The following NYAP2 variants were observed in gnomAD, a reference collection of about 807,000 sequenced individuals.
NYAP2 encodes neuronal tyrosine-phosphorylated phosphoinositide-3-kinase adapter 2.
NYAP2 carries 23 observed loss-of-function variants against 50.4 expected under a neutral mutation model. The ratio of observed to expected loss-of-function variants is 0.46; its 90% CI spans 0.33 to 0.65. The LOEUF (loss-of-function observed/expected upper bound fraction) is 0.65, where lower values mean the gene tolerates loss of function less well. Among genes scored for constraint, NYAP2 ranks in the 30% least tolerant of loss-of-function variants. The pLI is 0.02. For synonymous variants in NYAP2, 394 were observed against 365.2 expected, an observed-to-expected ratio of 1.08 and a Z score of -0.90; for missense variants, 885 against 861.0, an observed-to-expected ratio of 1.03 and a Z score of -0.35.
intron 3 of NYAP2, among the ~76,000 whole-genome samples, chr2:225,473,136 A>G (rs1690039756): frequency 6.6e-6 from 1 of 152,098 alleles, no homozygotes; most frequent in Non-Finnish European, 1.5e-5. Flanking sequence ...AAGGACATGA[A>G]CTCATCGTTT....
intron 6 of NYAP2, among the ~76,000 whole-genome samples, chr2:225,639,224 A>G (rs1693482029): frequency 6.6e-6 from 1 of 152,218 alleles, no homozygotes; most frequent in Admixed American, 6.5e-5. Context: ...AAACAGTTAA[A>G]TTGACAAGTT....
At chr2:225,616,322 A>C (rs1454417061) in intron 5 of NYAP2, among the ~76,000 whole-genome samples, 1 of 152,170 alleles carries the variant, frequency 6.6e-6, no homozygotes, top group African/African-American at 2.4e-5. Flanking sequence ...ATGAAATATA[A>C]AAATATGCCC....
Position 225,592,814 on chromosome 2 carries a change from C to T in NYAP2, c.1618+9779C>T, listed in dbSNP as rs74592368. Among the ~76,000 whole-genome samples, 1,062 of 152,288 alleles carry T rather than the reference C, an allele frequency of 7.0e-3. 17 individuals carry two copies. Among genetic ancestry groups the T allele is most frequent in the African/African-American group, 0.024 (1,013 of 41,556 alleles). On this transcript the variant is annotated intron_variant, in intron 5 of 6. Transcript: ENST00000636099. Reference sequence around the variant, plus strand: ...TGTTTATCCCCCGTGTTTATATTCTCTGTCTGCTGAATCTTTAAGTGCAAT... The same window carrying T: ...TGTTTATCCCCCGTGTTTATATTCTTTGTCTGCTGAATCTTTAAGTGCAAT...
chr2:225,536,233 C>G (rs991840883), intron 4 of NYAP2, among the ~76,000 whole-genome samples: 2 of 152,216 alleles, frequency 1.3e-5, no homozygotes, highest in Admixed American at 6.5e-5. Context: ...GTCGGCCAAG[C>G]CTTCTTCCTC....
At chr2:225,520,816 A>G (rs975181386) in intron 4 of NYAP2, among the ~76,000 whole-genome samples, 1 of 152,148 alleles carries the variant, frequency 6.6e-6, no homozygotes, top group Non-Finnish European at 1.5e-5. Context: ...GAAGAAAGTC[A>G]TTGGTAGCTT....
At chr2:225,502,433 G>A (rs1350182519) in intron 3 of NYAP2, among the ~76,000 whole-genome samples, 1 of 152,158 alleles carries the variant, frequency 6.6e-6, no homozygotes. Context: ...CATCCATCCT[G>A]TTGCTTAAGA....
At chr2:225,627,187 G>T in intron 6 of NYAP2, 61 bp downstream of exon 6, 1 of 1,219,946 alleles carries the variant, frequency 8.2e-7, no homozygotes, top group Non-Finnish European at 1.2e-6. Context: ...CTACTTTCAT[G>T]CAATATCACT....
chr2:225,656,209 C>T (rs1426057652), downstream of NYAP2, among the ~76,000 whole-genome samples: 1 of 152,074 alleles, frequency 6.6e-6, no homozygotes, highest in Non-Finnish European at 1.5e-5. Context: ...TAGAAACCTA[C>T]ACAGAGTGCT....
At chr2:225,432,548 A>T (rs1282777911) in intron 3 of NYAP2, among the ~76,000 whole-genome samples, 1 of 151,802 alleles carries the variant, frequency 6.6e-6, no homozygotes, top group Non-Finnish European at 1.5e-5. Flanking sequence ...AATTGCTTAT[A>T]TAAATATATA....
At chr2:225,454,316 G>A (rs1350709893) in intron 3 of NYAP2, among the ~76,000 whole-genome samples, 1 of 152,122 alleles carries the variant, frequency 6.6e-6, no homozygotes, top group Non-Finnish European at 1.5e-5. Context: ...GGGTGGCAGA[G>A]TAAGACCTTG....
intron 6 of NYAP2, among the ~76,000 whole-genome samples, chr2:225,627,795 T>A (rs753096788): frequency 6.6e-6 from 1 of 152,232 alleles, no homozygotes; most frequent in Non-Finnish European, 1.5e-5. Context: ...ACAGCATATG[T>A]TTGCTTTGAA....
At chr2:225,656,994 T>C (rs1292653543), downstream of NYAP2, among the ~76,000 whole-genome samples, 1 of 151,972 alleles carries the variant, frequency 6.6e-6, no homozygotes, top group East Asian at 1.9e-4. Flanking sequence ...TTCTAGATAG[T>C]ACATTTGCAC....
intron 3 of NYAP2, among the ~76,000 whole-genome samples, chr2:225,479,799 T>G (rs2106164307): frequency 6.6e-6 from 1 of 152,282 alleles, no homozygotes; most frequent in South Asian, 2.1e-4. Flanking sequence ...AGGAAAAACA[T>G]CTAAATTTTT....
At chr2:225,465,449 G>A (rs1394596156) in intron 3 of NYAP2, among the ~76,000 whole-genome samples, 1 of 152,134 alleles carries the variant, frequency 6.6e-6, no homozygotes, top group Non-Finnish European at 1.5e-5. Context: ...GGGCGCATTG[G>A]CTCATGCCTG....
chr2:225,699,549 T>C, the NYAP2 span: 1 of 151,926 alleles, frequency 6.6e-6, no homozygotes, highest in Non-Finnish European at 1.5e-5. Flanking sequence ...AGTTTACATA[T>C]TTTAATACAC....
At chr2:225,518,967 G>A (rs1690993256) in intron 4 of NYAP2, among the ~76,000 whole-genome samples, 3 of 152,024 alleles carry the variant, frequency 2.0e-5, no homozygotes, top group African/African-American at 7.2e-5. Flanking sequence ...GCAGTGAGCT[G>A]AGACTGTGCT....
intron 3 of NYAP2, among the ~76,000 whole-genome samples, chr2:225,444,060 A>C (rs1689513628): frequency 6.6e-6 from 1 of 152,200 alleles, no homozygotes; most frequent in African/African-American, 2.4e-5. Context: ...TAAATTCATA[A>C]TGACAATCAT....
rs746005558 is a variant in NYAP2 at position 225,582,981 on chromosome 2, C to T, written c.1564C>T (p.Arg522Cys). 6 of 1,612,336 alleles carry T rather than the reference C, an allele frequency of 3.7e-6. No homozygotes were observed. Among genetic ancestry groups the T allele is most frequent in the East Asian group, 2.2e-5 (1 of 44,848 alleles). Residue 522 changes from arginine to cysteine, a missense_variant, in exon 5 of 7, where the codon CGC (arginine) becomes TGC (cysteine). Arg to Cys is a radical substitution (Grantham distance 180). Transcript: ENST00000636099. The surrounding 1 kb of genome is among the most constrained non-coding windows in gnomAD (Gnocchi z 7.0). Reference sequence around the variant, plus strand: ...GCTGACCAGCCTCTTCTCCTCCGGCCGCAGCCTGCTGCGCAAGTCGTCCAG... The same window carrying T: ...GCTGACCAGCCTCTTCTCCTCCGGCTGCAGCCTGCTGCGCAAGTCGTCCAG...
intron 3 of NYAP2, among the ~76,000 whole-genome samples, chr2:225,448,825 AT>A (rs1689602692): frequency 6.6e-6 from 1 of 152,188 alleles, no homozygotes; most frequent in African/African-American, 2.4e-5. Flanking sequence ...TAGGTTATTA[AT>A]TTTTAAACCA....
Sources: gnomAD v4.1 joint callset for allele counts (sites outside exome capture counted in the v4.1 genomes callset) on GRCh38, gnomAD v4.1.1 for gene constraint, Gnocchi (gnomAD v3.1) non-coding constraint, MANE v1.5 for transcripts, NCBI Gene and HGNC (gene_info 2026-07-23, HGNC 2026-07-21) for gene names.